Variants in ERMARD observed in about 807,000 individuals in gnomAD.
ERMARD encodes ER membrane associated RNA degradation, also known as endoplasmic reticulum membrane-associated RNA degradation protein.
ERMARD carries 71 observed loss-of-function variants against 83.9 expected under a neutral mutation model. The observed-to-expected ratio is 0.85, with a 90% confidence interval of 0.70 to 1.03. The LOEUF (loss-of-function observed/expected upper bound fraction) is 1.03. Ranked by LOEUF, ERMARD falls within the 50% of genes least tolerant of loss-of-function variation. The pLI is 0.00. For synonymous variants in ERMARD, 284 were observed against 298.6 expected (o/e 0.95, Z 0.50); for missense variants, 838 against 810.9 (o/e 1.03, Z -0.41).
At chr6:169,779,384 G>C in intron 17 of ERMARD, 89 bp downstream of exon 17, 2 of 1,147,790 alleles carry the variant, frequency 1.7e-6, no homozygotes, top group Non-Finnish European at 2.6e-6. Context: ...GGCAGTGTGA[G>C]TGACACTATC....
At chr6:169,779,154 A>G (rs1562354609) in intron 16 of ERMARD, 28 bp from the exon 17 acceptor site, 1 of 1,582,312 alleles carries the variant, frequency 6.3e-7, no homozygotes, top group Non-Finnish European at 8.7e-7. Context: ...ATATCCTCAC[A>G]TTTTAATTTA....
intron 15 of ERMARD, 45 bp from the exon 16 acceptor site, chr6:169,776,399 GAGTGAGGCCCA>G (rs749132846): frequency 1.9e-6 from 3 of 1,579,496 alleles, no homozygotes; most frequent in Non-Finnish European, 2.6e-6. Flanking sequence ...TGCAGAAGGA[GAGTGAGGCCCA>G]GGTGAGGATC....
chr6:169,781,573 A>T lies in ERMARD; in HGVS notation c.*60A>T, dbSNP rs1347346030. On this transcript the variant is annotated 3_prime_UTR_variant, in exon 18 of 18. Transcript: ENST00000366773. ...GATTTTAACAGCGTGTAAATTAAAA[A>T]CCCAAAGACAGGGTGGAGTTGAGGG... 2.7e-6 allele frequency: 4 copies of T among 1,469,258 alleles called. No individual in the cohort carries two copies. Among genetic ancestry groups the T allele is most frequent in the Non-Finnish European group, 3.6e-6 (4 of 1,096,200 alleles). The allele number at this position is 1,469,258 out of a possible 1,614,324, so 91.0% of individuals were successfully genotyped here. A position where few individuals can be genotyped will look rare whatever the true frequency, so the allele number is the denominator to read the frequency against.
intron 8 of ERMARD, among the ~76,000 whole-genome samples, chr6:169,761,975 G>A (rs1286869554): frequency 1.3e-5 from 2 of 150,904 alleles, no homozygotes. Context: ...GAGCCACTGC[G>A]CCCAGCTGGT....
At chr6:169,759,382 A>AACT (rs1312197390) in intron 6 of ERMARD, among the ~76,000 whole-genome samples, 2 of 152,060 alleles carry the variant, frequency 1.3e-5, no homozygotes, top group African/African-American at 4.8e-5. Context: ...TGTGCTGCCC[A>AACT]ACTACTGCAC....
chr6:169,768,241 AAATTAAT>A, intron 11 of ERMARD, 70 bp downstream of exon 11: 1 of 1,432,398 alleles, frequency 7.0e-7, no homozygotes, highest in East Asian at 2.3e-5. Flanking sequence ...CTCTAAAATT[AAATTAAT>A]TTTGGCTTGT....
intron 2 of ERMARD, 85 bp downstream of exon 2, chr6:169,754,117 G>T: frequency 7.5e-7 from 1 of 1,334,918 alleles, no homozygotes; most frequent in Non-Finnish European, 1.0e-6. Flanking sequence ...TCTGACCATT[G>T]GTTCCTTTTG....
In ERMARD at chr6:169,754,039, G is replaced by T. The variant is rs1790487541; in HGVS notation, c.175+7G>T. 3 of 1,604,050 alleles carry T rather than the reference G, an allele frequency of 1.9e-6. No individual in the cohort carries two copies. On this transcript the variant is annotated splice_region_variant and intron_variant, in intron 2 of 17. Coordinates refer to ENST00000366773, the MANE Select transcript of ERMARD (RefSeq NM_018341.3). The stretch of plus-strand genomic sequence containing the variant: ...GTGAGCTACACAGAGTCAGGTTTGT[G>T]CTGTCTTTGTACTCCAAACTTTCAT...
chr6:169,759,397 T>G (rs1042878920), intron 6 of ERMARD, among the ~76,000 whole-genome samples: 2 of 152,188 alleles, frequency 1.3e-5, no homozygotes, highest in African/African-American at 4.8e-5. Flanking sequence ...CTGCACAGTC[T>G]AATTCCTACA....
chr6:169,751,975 A>G, intron 1 of ERMARD: 2 of 424,616 alleles, frequency 4.7e-6, no homozygotes, highest in East Asian at 8.1e-5. Flanking sequence ...GGGGGCGGAA[A>G]GCCGCAGGTC....
At chr6:169,776,309 C>T in intron 15 of ERMARD, 146 bp from the exon 16 acceptor site, 1 of 1,551,992 alleles carries the variant, frequency 6.4e-7, no homozygotes, top group Non-Finnish European at 8.7e-7. Flanking sequence ...TTAACACTTG[C>T]CGCGTGTCAC....
At chr6:169,773,616 G>A (rs1793239453) in intron 13 of ERMARD, among the ~76,000 whole-genome samples, 2 of 152,280 alleles carry the variant, frequency 1.3e-5, no homozygotes, top group Non-Finnish European at 1.5e-5. Context: ...AAAGTAATGC[G>A]GTGCTGACGG....
chr6:169,755,607 C>G, intron 3 of ERMARD, 185 bp downstream of exon 3: 1 of 638,080 alleles, frequency 1.6e-6, no homozygotes, highest in South Asian at 2.3e-5. Flanking sequence ...AGAAACATGC[C>G]CCTTGGAACA....
At chr6:169,760,956 G>T (rs962921593) in intron 8 of ERMARD, among the ~76,000 whole-genome samples, 200 bp downstream of exon 8, 1 of 152,138 alleles carries the variant, frequency 6.6e-6, no homozygotes, top group African/African-American at 2.4e-5. Flanking sequence ...TTGCCTTTTG[G>T]TGCAGGTGAT....
intron 17 of ERMARD, among the ~76,000 whole-genome samples, chr6:169,779,502 TG>T (rs1449448867): frequency 6.9e-6 from 1 of 144,322 alleles, no homozygotes; most frequent in Admixed American, 6.7e-5. Context: ...TGTTTTGTTT[TG>T]TTTTTTTTGG....
intron 17 of ERMARD, among the ~76,000 whole-genome samples, chr6:169,779,947 T>C (rs1794020864): frequency 6.6e-6 from 1 of 152,230 alleles, no homozygotes; most frequent in East Asian, 1.9e-4. Flanking sequence ...AATCTGGGCT[T>C]GAGTGTAGCT....
chr6:169,777,502 ATTTAT>A (rs1208753130), intron 16 of ERMARD, among the ~76,000 whole-genome samples: 2 of 152,126 alleles, frequency 1.3e-5, no homozygotes, highest in Non-Finnish European at 2.9e-5. Flanking sequence ...GGGTCCTGAG[ATTTAT>A]TTTCCTTTCA....
intron 17 of ERMARD, 116 bp from the exon 18 acceptor site, chr6:169,781,214 G>A: frequency 1.1e-6 from 1 of 903,770 alleles, no homozygotes. Flanking sequence ...TGAATCCTCA[G>A]ACATAAATTA....
At chr6:169,765,426 A>G (rs1375823369) in intron 9 of ERMARD, among the ~76,000 whole-genome samples, 1 of 152,258 alleles carries the variant, frequency 6.6e-6, no homozygotes, top group Non-Finnish European at 1.5e-5. Flanking sequence ...AGTGGAAGAT[A>G]TGAATATGAG....
Sources: allele counts gnomAD v4.1 joint callset (sites outside exome capture counted in the v4.1 genomes callset), GRCh38; gene constraint gnomAD v4.1.1; transcripts MANE v1.5; gene names NCBI Gene and HGNC (gene_info 2026-07-23, HGNC 2026-07-21).